Variants in RAD50 observed in about 807,000 individuals in gnomAD.
RAD50 encodes DNA repair protein RAD50.
A neutral mutation model predicts 168.8 loss-of-function variants in RAD50; 132 were observed. The observed-to-expected ratio is 0.78, with a 90% CI of 0.68 to 0.90. RAD50 has a LOEUF of 0.90. Among genes scored for constraint, RAD50 ranks in the 40% least tolerant of loss-of-function variants. RAD50 has a pLI of 0.00. For synonymous variants in RAD50, 525 were observed against 497.4 expected (o/e 1.06, Z -0.74); for missense variants, 1,347 against 1,534.4 (o/e 0.88, Z 2.04).
chr5:132,587,056 C>T (rs1268771313), intron 5 of RAD50, among the ~76,000 whole-genome samples: 2 of 152,162 alleles, frequency 1.3e-5, no homozygotes, highest in Non-Finnish European at 2.9e-5. Context: ...AAGCGAGCCT[C>T]AGAGCAGGCC....
chr5:132,628,000 G>A (rs1466786365), intron 21 of RAD50, among the ~76,000 whole-genome samples: 1 of 152,208 alleles, frequency 6.6e-6, no homozygotes, highest in Admixed American at 6.5e-5. Context: ...ATAACCAAAG[G>A]TTGCTCCTAC....
Position 132,591,864 on chromosome 5 carries a change from T to G in RAD50, c.1636-13T>G. The G allele has an allele frequency of 6.4e-7, 1 of 1,569,832 alleles. No individual in the cohort carries two copies. The highest frequency in any genetic ancestry group is 1.7e-5 in the Admixed American group (1 of 59,012). On this transcript the variant is annotated splice_polypyrimidine_tract_variant and intron_variant, in intron 10 of 24. Coordinates refer to ENST00000378823, the MANE Select transcript of RAD50 (RefSeq NM_005732.4). ...TAGACTTTATTTTTAAAAGATTTTT[T>G]TTTTACCTATAGGCTGACAAAGATG... is the stretch of plus-strand genomic sequence containing the variant.
intron 1 of RAD50, among the ~76,000 whole-genome samples, chr5:132,558,924 A>G (rs984403396): frequency 6.6e-6 from 1 of 152,128 alleles, no homozygotes; most frequent in Admixed American, 6.5e-5. Context: ...AAAAGTTCCT[A>G]CAGCCTGGAG....
rs546593508 is a variant in RAD50 at position 132,613,204 on chromosome 5, T to G, written c.3037-2799T>G. On this transcript the variant is annotated intron_variant, in intron 19 of 24. Coordinates refer to ENST00000378823, the MANE Select transcript of RAD50 (RefSeq NM_005732.4). Reference sequence around the variant, plus strand: ...AGCTGAGGAGCCTAACAGTCACTTATTTACGTACTGATTTAAGCCCTGCTA... The same window carrying G: ...AGCTGAGGAGCCTAACAGTCACTTAGTTACGTACTGATTTAAGCCCTGCTA... Among the ~76,000 whole-genome samples the G allele has an allele frequency of 2.0e-5, 3 of 152,244 alleles. No individual in the cohort carries two copies. In the East Asian group the frequency reaches 5.8e-4, roughly 29 times the overall value.
At chr5:132,591,442 G>T in intron 10 of RAD50, 36 bp downstream of exon 10, 1 of 1,581,476 alleles carries the variant, frequency 6.3e-7, no homozygotes, top group Non-Finnish European at 8.7e-7. Flanking sequence ...TATACTGTCT[G>T]GTACTTAAAA....
chr5:132,604,878 C>G lies in RAD50; in HGVS notation c.2597C>G (p.Thr866Arg). 1 of 1,613,564 alleles carries G rather than the reference C, an allele frequency of 6.2e-7. No homozygotes were observed. ...QQEQIQHLKS[T>R]TNELKSEKLQ... The stretch of plus-strand genomic sequence containing the variant: ...GAACAGATTCAACATCTAAAAAGTA[C>G]AACAAATGAGCTAAAATCTGAGAAA... The change falls in exon 16 of 25, where the codon ACA (threonine) becomes AGA (arginine). Residue 866 changes from threonine to arginine, a missense_variant. Physicochemically the swap from Thr to Arg is moderately conservative, Grantham distance 71 (BLOSUM62 -1). Coordinates refer to ENST00000378823, the MANE Select transcript of RAD50 (RefSeq NM_005732.4).
rs876658770 is a variant in RAD50, at chr5:132,640,768, C to G, written c.3715C>G (p.Arg1239Gly). 1 of 1,614,130 alleles carries G rather than the reference C, an allele frequency of 6.2e-7. No individual in the cohort carries two copies. Among genetic ancestry groups the G allele is most frequent in the South Asian group, 1.1e-5 (1 of 91,086 alleles). Reference sequence around the variant, plus strand: ...GGATGAGCCAACAACAAATCTTGACCGAGAAAACATTGAATCTCTTGCACA... The same window carrying G: ...GGATGAGCCAACAACAAATCTTGACGGAGAAAACATTGAATCTCTTGCACA... ...ALDEPTTNLD[R>G]ENIESLAHAL... is the part of the protein sequence containing the mutation. Residue 1239 changes from arginine to glycine, a missense_variant, in exon 24 of 25, where the codon CGA (arginine) becomes GGA (glycine). Coordinates refer to ENST00000378823, the MANE Select transcript of RAD50 (RefSeq NM_005732.4).
chr5:132,615,419 A>T (rs969354456), intron 19 of RAD50, among the ~76,000 whole-genome samples: 2 of 152,196 alleles, frequency 1.3e-5, no homozygotes, highest in Non-Finnish European at 2.9e-5. Context: ...ACAATTTGTC[A>T]ACCTAAAGGT....
chr5:132,571,612 G>C lies in RAD50; in HGVS notation c.214-4165G>C, dbSNP rs796344985. Among the ~76,000 whole-genome samples, 7 of 152,110 alleles carry C rather than the reference G, an allele frequency of 4.6e-5. No homozygotes were observed. In the South Asian group the frequency reaches 8.3e-4, roughly 18 times the overall value. On this transcript the variant is annotated intron_variant, in intron 2 of 24. Transcript: ENST00000378823. Reference sequence around the variant, plus strand: ...ATGCACCTATAGTCCCAGCTACTTGGGGGGCTGAGGTAGGAGGATTGCTTA... The same window carrying C: ...ATGCACCTATAGTCCCAGCTACTTGCGGGGCTGAGGTAGGAGGATTGCTTA...
intron 11 of RAD50, chr5:132,592,781 C>T (rs764273997): frequency 4.3e-6 from 2 of 470,134 alleles, no homozygotes; most frequent in South Asian, 3.1e-5. Flanking sequence ...CTGGTAAAGC[C>T]ACATTCCATC....
Position 132,643,130 on chromosome 5 carries a change from C to G in RAD50, c.*766C>G. Reference sequence around the variant, plus strand: ...TCGTGAAGAAGCCTGTAACACTCCTCTGCGTCTATCCTGTGTAGCATACTG... The same window carrying G: ...TCGTGAAGAAGCCTGTAACACTCCTGTGCGTCTATCCTGTGTAGCATACTG... On this transcript the variant is annotated 3_prime_UTR_variant, in exon 25 of 25. Transcript: ENST00000378823. The G allele has an allele frequency of 1.9e-6, 1 of 524,232 alleles. No individual in the cohort carries two copies. The allele number at this position is 524,232 out of a possible 1,614,324, so 32.5% of individuals were successfully genotyped here. A position where few individuals can be genotyped will look rare whatever the true frequency, so the allele number is the denominator to read the frequency against.
chr5:132,638,010 T>C, intron 22 of RAD50, 71 bp from the exon 23 acceptor site: 1 of 1,515,510 alleles, frequency 6.6e-7, no homozygotes, highest in South Asian at 1.1e-5. Flanking sequence ...CTAGGCTTAC[T>C]TGATATGTTT....
At chr5:132,559,252 T>A in intron 1 of RAD50, 32 bp from the exon 2 acceptor site, 3 of 1,574,014 alleles carry the variant, frequency 1.9e-6, no homozygotes, top group Non-Finnish European at 2.6e-6. Context: ...GGTTCTCTTA[T>A]AACGAAATAA....
intron 21 of RAD50, among the ~76,000 whole-genome samples, chr5:132,618,827 C>T (rs1457697817): frequency 6.6e-6 from 1 of 152,186 alleles, no homozygotes; most frequent in African/African-American, 2.4e-5. Flanking sequence ...TACTACCTCC[C>T]TCTAACCAAT....
chr5:132,590,732 A>C (rs550762901), intron 9 of RAD50, among the ~76,000 whole-genome samples: 3 of 152,160 alleles, frequency 2.0e-5, no homozygotes, highest in Non-Finnish European at 4.4e-5. Context: ...TTATGTAAAC[A>C]TTTATTTTTG....
intron 2 of RAD50, among the ~76,000 whole-genome samples, chr5:132,562,508 A>G (rs1239320659): frequency 3.3e-5 from 5 of 152,210 alleles, no homozygotes; most frequent in Non-Finnish European, 7.4e-5. Context: ...AGCATCAAGC[A>G]TAACTCCAAA....
rs560587739 is a variant in RAD50 at position 132,557,761 on chromosome 5, T to C, written c.129+308T>C. Among the ~76,000 whole-genome samples the C allele has an allele frequency of 5.9e-5, 9 of 152,358 alleles. No homozygotes were observed. In the South Asian group the frequency reaches 1.9e-3, roughly 32 times the overall value. On this transcript the variant is annotated intron_variant, in intron 1 of 24. Transcript: ENST00000378823. ...ATGCCCTTTGGTCTGTATTGATGTT[T>C]TTAACGCTGTCTCCTTGCTTTCAAA... is the stretch of plus-strand genomic sequence containing the variant.
At chr5:132,603,241 C>A in intron 13 of RAD50, 59 bp from the exon 14 acceptor site, 2 of 1,454,968 alleles carry the variant, frequency 1.4e-6, no homozygotes, top group African/African-American at 1.4e-5. Flanking sequence ...AAATACATAA[C>A]CTCAGTCTAA....
intron 19 of RAD50, among the ~76,000 whole-genome samples, chr5:132,612,693 T>C (rs1490004163): frequency 6.6e-6 from 1 of 152,040 alleles, no homozygotes; most frequent in East Asian, 1.9e-4. Context: ...CCAGGTGTGA[T>C]GGTGCATACC....
Sources: allele counts gnomAD v4.1 joint callset (sites outside exome capture counted in the v4.1 genomes callset), GRCh38; gene constraint gnomAD v4.1.1; transcripts MANE v1.5; gene names NCBI Gene and HGNC (gene_info 2026-07-23, HGNC 2026-07-21).